The following NALCN variants were observed in gnomAD, a reference collection of about 807,000 sequenced individuals.
NALCN encodes the protein sodium leak channel NALCN.
A neutral mutation model predicts 225.3 loss-of-function variants in NALCN; 111 were observed. That is an observed-to-expected ratio of 0.49 (90% CI 0.42 to 0.58). The LOEUF is 0.58. Among genes scored for constraint, NALCN ranks in the 20% least tolerant of loss-of-function variants. NALCN has a pLI of 0.00. For missense variants in NALCN, 1,378 were observed against 2,202.4 expected (o/e 0.63, Z 7.49); for synonymous variants, 764 against 769.0 (o/e 0.99, Z 0.11).
intron 42 of NALCN, 113 bp downstream of exon 42, chr13:101,059,705 A>C: frequency 1.2e-6 from 1 of 852,956 alleles, no homozygotes; most frequent in Non-Finnish European, 1.7e-6. Context: ...TATTCCTATT[A>C]GAAATATTGT....
rs146471131 is a variant in NALCN at position 101,317,260 on chromosome 13, G to A, written c.800-24894C>T. Among the ~76,000 whole-genome samples the A allele has an allele frequency of 4.4e-3, 668 of 152,240 alleles. 4 individuals are homozygous for A. Among genetic ancestry groups the A allele is most frequent in the African/African-American group, 0.015 (631 of 41,556 alleles). On this transcript the variant is annotated intron_variant, in intron 7 of 43. Transcript: ENST00000251127. ...ATTATTTGTATAAATAATAATGTTT[G>A]ATATAGAACATCTTTACAGGTGAGG...
chr13:101,338,115 C>T (rs868388558), intron 7 of NALCN, among the ~76,000 whole-genome samples: 29 of 152,282 alleles, frequency 1.9e-4, no homozygotes, highest in African/African-American at 6.5e-4. Flanking sequence ...CAATTAGTCA[C>T]CATAAGAATA....
chr13:101,397,490 T>C (rs2047345419), intron 2 of NALCN, among the ~76,000 whole-genome samples: 1 of 151,210 alleles, frequency 6.6e-6, no homozygotes, highest in Non-Finnish European at 1.5e-5. Context: ...AATATATATG[T>C]ATATGCATAT....
chr13:101,156,531 G>GTATATATATATA (rs137879353), intron 15 of NALCN, among the ~76,000 whole-genome samples: 1 of 149,042 alleles, frequency 6.7e-6, no homozygotes, highest in African/African-American at 2.5e-5. Context: ...ATGTATGCAG[G>GTATATATATATA]TATATATATA....
rs1290677931 is a variant in NALCN, at chr13:101,153,499, G to A, written c.1840-8603C>T. On this transcript the variant is annotated intron_variant, in intron 15 of 43. Coordinates refer to ENST00000251127, the MANE Select transcript of NALCN (RefSeq NM_052867.4). ...GACTCTTGGTTGTAAAAATGAAAAC[G>A]AAAATAGGCAGTTAAACCATTTCTC... 3.9e-5 allele frequency among the ~76,000 whole-genome samples: 6 copies of A among 152,270 alleles called. No individual in the cohort carries two copies. The South Asian group carries it at 1.0e-3, about 26-fold the overall frequency.
intron 6 of NALCN, among the ~76,000 whole-genome samples, chr13:101,368,094 C>T (rs947628431): frequency 3.0e-4 from 46 of 151,460 alleles, no homozygotes; most frequent in African/African-American, 1.0e-3. Context: ...TGCTGGTGTG[C>T]TGTACCCATT....
At chr13:101,289,930 C>A (rs914252417) in intron 9 of NALCN, among the ~76,000 whole-genome samples, 3 of 152,120 alleles carry the variant, frequency 2.0e-5, no homozygotes, top group African/African-American at 4.8e-5. Context: ...CCAGGGTGGG[C>A]GGGGCCTGAA....
intron 2 of NALCN, among the ~76,000 whole-genome samples, chr13:101,397,381 A>G (rs2047340298): frequency 6.6e-6 from 1 of 150,560 alleles, no homozygotes; most frequent in African/African-American, 2.4e-5. Context: ...TAATATACAT[A>G]TATCATGTAT....
intron 27 of NALCN, among the ~76,000 whole-genome samples, chr13:101,096,515 T>G (rs1242583745): frequency 6.6e-6 from 1 of 152,180 alleles, no homozygotes; most frequent in Admixed American, 6.6e-5. Flanking sequence ...TCCAGAACAG[T>G]GAACTCTATA....
At chr13:101,076,674 C>T (rs1302404979) in intron 34 of NALCN, among the ~76,000 whole-genome samples, 1 of 152,196 alleles carries the variant, frequency 6.6e-6, no homozygotes, top group Admixed American at 6.5e-5. Flanking sequence ...AATGTGTGCA[C>T]ATAGCATCCT....
intron 10 of NALCN, among the ~76,000 whole-genome samples, chr13:101,261,501 T>A (rs1158251960): frequency 2.0e-5 from 3 of 152,202 alleles, no homozygotes; most frequent in African/African-American, 7.2e-5. Context: ...TATTTTTCCA[T>A]TTTTGGTGTC....
intron 15 of NALCN, among the ~76,000 whole-genome samples, chr13:101,170,294 T>C (rs1230642534): frequency 6.6e-6 from 1 of 152,192 alleles, no homozygotes; most frequent in Non-Finnish European, 1.5e-5. Context: ...AGGAGAAGGT[T>C]GTTTACATGG....
At chr13:101,305,135 A>T (rs1000404481) in intron 7 of NALCN, among the ~76,000 whole-genome samples, 1 of 152,214 alleles carries the variant, frequency 6.6e-6, no homozygotes, top group African/African-American at 2.4e-5. Flanking sequence ...GACGGTTTTT[A>T]TGAACCTCTG....
At chr13:101,079,872 T>A (rs1311848110) in intron 34 of NALCN, among the ~76,000 whole-genome samples, 1 of 152,118 alleles carries the variant, frequency 6.6e-6, no homozygotes, top group East Asian at 1.9e-4. Flanking sequence ...GAGCACAGCG[T>A]CTCGTATTAA....
At chr13:101,241,593 C>A (rs2041760489) in intron 11 of NALCN, among the ~76,000 whole-genome samples, 2 of 152,118 alleles carry the variant, frequency 1.3e-5, no homozygotes, top group African/African-American at 4.8e-5. Context: ...CAGGCACATG[C>A]CACCATGCCT....
At chr13:101,199,564 C>A (rs1280500196) in intron 13 of NALCN, among the ~76,000 whole-genome samples, 1 of 147,734 alleles carries the variant, frequency 6.8e-6, no homozygotes, top group Non-Finnish European at 1.5e-5. Context: ...AAACCAAACA[C>A]CGCATGTTCT....
In NALCN at chr13:101,089,925, G is replaced by C. The variant is rs771019459; in HGVS notation, c.3311C>G (p.Ala1104Gly). ...GAGAACTTCAAACAACGCCAGCATA[G>C]CGTTTCCCACATTGTCGAAATTAAA... ...RNFNFDNVGN[A>G]MLALFEVLSL... Residue 1104 changes from alanine to glycine, a missense_variant, in exon 29 of 44, where the codon GCT becomes GGT. By Grantham distance (60) the Ala-to-Gly change is moderately conservative (BLOSUM62 0). This residue lies in a region of NALCN where 292 missense variants were observed against 409.5 expected (regional missense o/e 0.71). Transcript: ENST00000251127. The surrounding 1 kb of genome is among the most constrained non-coding windows in gnomAD (Gnocchi z 4.7). 3.7e-6 allele frequency: 6 copies of C among 1,614,024 alleles called. No individual in the cohort carries two copies. Among genetic ancestry groups the C allele is most frequent in the Non-Finnish European group, 1.7e-6 (2 of 1,179,914 alleles).
chr13:101,113,240 G>C (rs1484185609), intron 18 of NALCN, among the ~76,000 whole-genome samples: 1 of 152,206 alleles, frequency 6.6e-6, no homozygotes, highest in Non-Finnish European at 1.5e-5. Context: ...GTGAATGAGG[G>C]AAGGACCGCA....
rs184967115 is a variant in NALCN at position 101,288,994 on chromosome 13, G to A, written c.1047+2996C>T. 3.5e-4 allele frequency among the ~76,000 whole-genome samples: 53 copies of A among 152,298 alleles called. 1 individual carries two copies. The highest frequency in any genetic ancestry group is 7.8e-4 in the Admixed American group (12 of 15,306). The stretch of plus-strand genomic sequence containing the variant: ...GTAAAGGTCTGGGTTAGTGAGATAC[G>A]GTACTCAGGACTTCGTCTTTCAGCT... On this transcript the variant is annotated intron_variant, in intron 9 of 43. Transcript: ENST00000251127.
Sources: gnomAD v4.1 joint callset for allele counts (sites outside exome capture counted in the v4.1 genomes callset) on GRCh38, gnomAD v4.1.1 for gene constraint, gnomAD v4.1.1 regional missense constraint, Gnocchi (gnomAD v3.1) non-coding constraint, MANE v1.5 for transcripts, NCBI Gene and HGNC (gene_info 2026-07-23, HGNC 2026-07-21) for gene names.